Variants in MATN4 observed in about 807,000 individuals in gnomAD.
The protein encoded by MATN4 is matrilin-4.
Under a neutral mutation model 54.6 loss-of-function variants are expected in MATN4, and 40 were observed. That is an observed-to-expected ratio of 0.73 (90% CI 0.57 to 0.95). MATN4 has a LOEUF of 0.95. Among genes scored for constraint, MATN4 ranks in the 40% least tolerant of loss-of-function variants. MATN4 has a pLI of 0.00. For synonymous variants in MATN4, 351 were observed against 345.3 expected (o/e 1.02, Z -0.18); for missense variants, 810 against 819.1 (o/e 0.99, Z 0.13).
At chr20:45,300,689 A>G (rs1276576006) in intron 6 of MATN4, among the ~76,000 whole-genome samples, 198 bp downstream of exon 6, 1 of 152,216 alleles carries the variant, frequency 6.6e-6, no homozygotes, top group Non-Finnish European at 1.5e-5. Flanking sequence ...GTATTTTTAA[A>G]TTAACATTGA....
At chr20:45,296,600 CGAAGA>C (rs1170438903) in intron 8 of MATN4, among the ~76,000 whole-genome samples, 2 of 151,796 alleles carry the variant, frequency 1.3e-5, no homozygotes. Flanking sequence ...CTCCTGTTAC[CGAAGA>C]GAAAAGTTAA....
At chr20:45,304,093 C>A in intron 3 of MATN4, 135 bp downstream of exon 3, 2 of 664,790 alleles carry the variant, frequency 3.0e-6, no homozygotes, top group Non-Finnish European at 4.7e-6. Context: ...TCTGACACAG[C>A]CTGCGGTAGG....
intron 8 of MATN4, 145 bp from the exon 9 acceptor site, chr20:45,294,160 G>C: frequency 1.5e-6 from 1 of 648,532 alleles, no homozygotes; most frequent in Non-Finnish European, 2.6e-6. Flanking sequence ...GTAGCTGTGA[G>C]ATACTGAAAA....
At position 45,293,588 on chromosome 20, in the gene MATN4, C is replaced by G. The variant is rs1985606383; in HGVS notation, c.*179G>C. 4 of 566,410 alleles carry G rather than the reference C, an allele frequency of 7.1e-6. No individual in the cohort carries two copies. The highest frequency in any genetic ancestry group is 9.0e-6 in the Non-Finnish European group (3 of 333,566). The allele number at this position is 566,410 out of a possible 1,614,324, so 35.1% of individuals were successfully genotyped here. A position where few individuals can be genotyped will look rare whatever the true frequency, so the allele number is the denominator to read the frequency against. ...CCCGCTATCCCCCTGACGCCGCAGT[C>G]CGCCTAATGGTCCGGGCGAGGCCAA... is the stretch of plus-strand genomic sequence containing the variant. On this transcript the variant is annotated 3_prime_UTR_variant, in exon 10 of 10. Coordinates refer to ENST00000372756, the MANE Select transcript of MATN4 (RefSeq NM_001393530.1).
rs776205024 is a variant in MATN4 at position 45,300,914 on chromosome 20, G to T, written c.985C>A (p.Leu329Ile). The T allele has an allele frequency of 1.7e-5, 27 of 1,613,406 alleles. No individual in the cohort carries two copies. The highest frequency in any genetic ancestry group is 1.9e-5 in the Non-Finnish European group (22 of 1,180,040). ...TTGCAGCTCTTGCCATCTGCCTGAA[G>T]TTGCCGCCCCTCGGGGCACAGGCAG... ...YRCLCPEGRQ[L>I]QADGKSCNRC... The change falls in exon 6 of 10, where the codon CTT becomes ATT. Residue 329 changes from leucine (L) to isoleucine (I), a missense_variant. Transcript: ENST00000372756.
Position 45,304,747 on chromosome 20 carries a change from A to G in MATN4, c.124T>C (p.Ser42Pro). The G allele has an allele frequency of 6.2e-7, 1 of 1,603,396 alleles. No homozygotes were observed. The highest frequency in any genetic ancestry group is 8.5e-7 in the Non-Finnish European group (1 of 1,172,386). The change falls in exon 3 of 10, where the codon TCC becomes CCC. Residue 42 changes from serine (S) to proline (P), a missense_variant. Transcript: ENST00000372756. Reference sequence around the variant, plus strand: ...AACTCGAAAGGGCGCACGCTGCGGGAGCTGTCAATCACGAACACCAGATCC... The same window carrying G: ...AACTCGAAAGGGCGCACGCTGCGGGGGCTGTCAATCACGAACACCAGATCC... ...PLDLVFVIDS[S>P]RSVRPFEFET...
chr20:45,297,703 C>T (rs1279239682), intron 8 of MATN4, among the ~76,000 whole-genome samples: 2 of 152,290 alleles, frequency 1.3e-5, no homozygotes, highest in African/African-American at 2.4e-5. Flanking sequence ...CTGATTCATT[C>T]GGTCTGGAGA....
chr20:45,298,463 G>C lies in MATN4; in HGVS notation c.1133C>G (p.Ser378Cys), dbSNP rs267605951. 1.2e-6 allele frequency: 2 copies of C among 1,613,838 alleles called. No individual in the cohort carries two copies. Among genetic ancestry groups the C allele is most frequent in the Non-Finnish European group, 1.7e-6 (2 of 1,179,982 alleles). ...CAGCCCCACCCGCGTGCCCTCGGGG[G>C]ACACATCTAGGAAGTCCACAATCTG... Reference protein sequence around the residue: ...VNQIVDFLDVSPEGTRVGLVQ... With the variant: ...VNQIVDFLDVCPEGTRVGLVQ... Residue 378 changes from serine (S) to cysteine (C), a missense_variant, in exon 7 of 10, where the codon TCC becomes TGC. Physicochemically the swap from Ser to Cys is moderately radical, Grantham distance 112. Coordinates refer to ENST00000372756, the MANE Select transcript of MATN4 (RefSeq NM_001393530.1). This position sits in a 1 kb window ranked among gnomAD's most constrained non-coding sequence, Gnocchi z 4.6.
At chr20:45,293,883 C>T (rs769032152) in intron 9 of MATN4, 25 bp downstream of exon 9, 2 of 1,606,944 alleles carry the variant, frequency 1.2e-6, no homozygotes, top group Non-Finnish European at 1.7e-6. Flanking sequence ...TCCCTCCAGC[C>T]CGCGCCACCA....
Position 45,298,727 on chromosome 20 carries a change from GTAA to G in MATN4, c.1013-147_1013-145del, listed in dbSNP as rs1209914708. On this transcript the variant is annotated intron_variant, in intron 6 of 9. Transcript: ENST00000372756. This position sits in a 1 kb window ranked among gnomAD's most constrained non-coding sequence, Gnocchi z 4.6. Reference sequence around the variant, plus strand: ...CTTCCTGTGCCAGGCAGTGTGCTAAGTAATAATAATTATCACCATCATCATCAC... The same window carrying G: ...CTTCCTGTGCCAGGCAGTGTGCTAAGTAATAATTATCACCATCATCATCAC... 2 of 600,842 alleles carry G rather than the reference GTAA, an allele frequency of 3.3e-6. No individual in the cohort carries two copies. The highest frequency in any genetic ancestry group is 1.9e-5 in the African/African-American group (1 of 53,182). The allele number at this position is 600,842 out of a possible 1,614,324, so 37.2% of individuals were successfully genotyped here. A position where few individuals can be genotyped will look rare whatever the true frequency, so the allele number is the denominator to read the frequency against.
intron 1 of MATN4, among the ~76,000 whole-genome samples, 189 bp from the exon 2 acceptor site, chr20:45,305,805 C>CTTTGTTTTTTTTTTTT (rs1986595069): frequency 1.5e-5 from 1 of 64,676 alleles, no homozygotes; most frequent in Non-Finnish European, 2.6e-5. Flanking sequence ...ACAAGAGATT[C>CTTTGTTTTTTTTTTTT]TTTTTTTTTT....
chr20:45,304,273 C>T lies in MATN4; in HGVS notation c.598G>A (p.Asp200Asn). Residue 200 changes from aspartate to asparagine, a missense_variant, in exon 3 of 10, where the codon GAC becomes AAC. Transcript: ENST00000372756. ...TGCAGGCCGAACTCCTGGATGAGGT[C>T]GAAGGACTCTACGAGGAAGACGTGC... Reference protein sequence around the residue: ...DEHVFLVESFDLIQEFGLQFQ... With the variant: ...DEHVFLVESFNLIQEFGLQFQ... 6.4e-7 allele frequency: 1 copy of T among 1,554,854 alleles called. No individual in the cohort carries two copies. The highest frequency in any genetic ancestry group is 8.7e-7 in the Non-Finnish European group (1 of 1,153,980).
chr20:45,303,528 C>G, intron 3 of MATN4: 1 of 702,834 alleles, frequency 1.4e-6, no homozygotes. Context: ...ACACACAGGA[C>G]TAGAATCAGT....
upstream of MATN4, chr20:45,308,465 C>T: frequency 1.8e-6 from 1 of 566,162 alleles, no homozygotes; most frequent in East Asian, 2.9e-5. Flanking sequence ...GCAGACAGGG[C>T]TAGCTGCGGG....
intron 8 of MATN4, among the ~76,000 whole-genome samples, chr20:45,294,217 A>G (rs1466250824): frequency 6.6e-6 from 1 of 152,280 alleles, no homozygotes; most frequent in African/African-American, 2.4e-5. Context: ...TAAAATGGAT[A>G]TAATGAAAGA....
At chr20:45,305,433 C>G in intron 2 of MATN4, 77 bp downstream of exon 2, 1 of 1,157,038 alleles carries the variant, frequency 8.6e-7, no homozygotes, top group Non-Finnish European at 1.3e-6. Context: ...CTCTCCCCAG[C>G]AGGAGGAGCT....
chr20:45,301,434 A>T lies in MATN4; in HGVS notation c.653T>A (p.Leu218Gln), dbSNP rs761022724. 1.9e-6 allele frequency: 3 copies of T among 1,613,626 alleles called. No homozygotes were observed. The highest frequency in any genetic ancestry group is 2.7e-5 in the African/African-American group (2 of 74,936). ...ACATCCATGGGTCCCTTCAGCACAC[A>T]GATCAATGGCTGAGGAAGAAATGGG... ...QFQSRLCAID[L>Q]CAEGTHGCEH... Residue 218 changes from leucine to glutamine, a missense_variant, in exon 4 of 10, where the codon CTG (leucine) becomes CAG (glutamine). Physicochemically the swap from Leu to Gln is moderately radical, Grantham distance 113. Transcript: ENST00000372756.
In MATN4 at chr20:45,293,817, G is replaced by C; in HGVS notation, c.1696C>G (p.Leu566Val). Residue 566 changes from leucine to valine, a missense_variant, in exon 10 of 10, where the codon CTG (leucine) becomes GTG (valine). Leu to Val is a conservative substitution (Grantham distance 32). Coordinates refer to ENST00000372756, the MANE Select transcript of MATN4 (RefSeq NM_001393530.1). ...TCCAGATCCTCCAGGCGCGCCGTCA[G>C]CTGGGCCAGTGAGCGGTTAAGGAGG... ...LESLTLNLAQ[L>V]TARLEDLENQ... 1.2e-6 allele frequency: 2 copies of C among 1,611,516 alleles called. No individual in the cohort carries two copies. Among genetic ancestry groups the C allele is most frequent in the South Asian group, 2.2e-5 (2 of 91,062 alleles).
intron 8 of MATN4, among the ~76,000 whole-genome samples, chr20:45,295,817 A>G (rs1442165287): frequency 6.6e-6 from 1 of 152,244 alleles, no homozygotes; most frequent in Non-Finnish European, 1.5e-5. Flanking sequence ...CCTTACAATT[A>G]AAACTGGCAC....
Sources: allele counts gnomAD v4.1 joint callset (sites outside exome capture counted in the v4.1 genomes callset), GRCh38; gene constraint gnomAD v4.1.1; non-coding constraint Gnocchi (gnomAD v3.1); transcripts MANE v1.5; gene names NCBI Gene and HGNC (gene_info 2026-07-23, HGNC 2026-07-21).